The following CCDC141 variants were observed in gnomAD, a reference collection of about 807,000 sequenced individuals.
CCDC141 encodes the protein coiled-coil domain-containing protein 141.
A neutral mutation model predicts 181.0 loss-of-function variants in CCDC141; 168 were observed. The observed-to-expected ratio is 0.93, with a 90% CI of 0.82 to 1.05. The LOEUF (loss-of-function observed/expected upper bound fraction) is 1.05. Among genes scored for constraint, CCDC141 ranks in the 50% least tolerant of loss-of-function variants. CCDC141 has a pLI of 0.00. For synonymous variants in CCDC141, 666 were observed against 642.3 expected (o/e 1.04, Z -0.56); for missense variants, 1,902 against 1,788.5 (o/e 1.06, Z -1.14).
intron 6 of CCDC141, among the ~76,000 whole-genome samples, chr2:178,923,174 G>C (rs558265740): frequency 6.8e-6 from 1 of 146,264 alleles, no homozygotes; most frequent in Non-Finnish European, 1.5e-5. Flanking sequence ...GCGGGATCTC[G>C]GCTCACTGCA....
intron 23 of CCDC141, 108 bp downstream of exon 23, chr2:178,836,786 A>G: frequency 8.0e-7 from 1 of 1,242,930 alleles, no homozygotes; most frequent in Non-Finnish European, 1.1e-6. Flanking sequence ...GCAGTGTCAT[A>G]GAATATTAAT....
chr2:178,897,420 A>G (rs1319217636), intron 8 of CCDC141, among the ~76,000 whole-genome samples: 4 of 152,224 alleles, frequency 2.6e-5, no homozygotes, highest in African/African-American at 7.2e-5. Flanking sequence ...ACAAATGAAA[A>G]CTGTGGGAAA....
chr2:179,038,531 C>A (rs1204039105), intron 2 of CCDC141, among the ~76,000 whole-genome samples: 3 of 152,084 alleles, frequency 2.0e-5, no homozygotes, highest in African/African-American at 7.2e-5. Flanking sequence ...GTATGTTTTA[C>A]CATAATAAAA....
chr2:178,882,596 G>A lies in CCDC141; in HGVS notation c.1719+2305C>T, dbSNP rs182604447. 1.0e-3 allele frequency among the ~76,000 whole-genome samples: 154 copies of A among 151,914 alleles called. 1 individual carries two copies. The highest frequency in any genetic ancestry group is 3.6e-3 in the African/African-American group (148 of 41,430). On this transcript the variant is annotated intron_variant, in intron 11 of 23. Coordinates refer to ENST00000443758, the MANE Select transcript of CCDC141 (RefSeq NM_173648.4). ...TCAATGGCTTCATTTTTTTTTTCAG[G>A]GACGTATGAGTTAAGAACATTGGAT... is the stretch of plus-strand genomic sequence containing the variant.
chr2:178,886,703 A>G, intron 10 of CCDC141, 49 bp downstream of exon 10: 1 of 1,228,888 alleles, frequency 8.1e-7, no homozygotes, highest in Non-Finnish European at 1.1e-6. Flanking sequence ...TATTTTTAAA[A>G]TTATCTTTAC....
At chr2:178,954,729 G>A (rs1048291700) in intron 5 of CCDC141, among the ~76,000 whole-genome samples, 1 of 151,744 alleles carries the variant, frequency 6.6e-6, no homozygotes. Context: ...TTTCTTAAGT[G>A]GTTAAAATGA....
rs889181056 is a variant in CCDC141, at chr2:179,003,086, C to T, written c.226-24411G>A. On this transcript the variant is annotated intron_variant, in intron 2 of 23. Transcript: ENST00000443758. ...GTGATTGTTTTTGGGTGGAATTAAC[C>T]TTATATTGTCATTTATATTAACTTT... is the stretch of plus-strand genomic sequence containing the variant. 6.6e-5 allele frequency among the ~76,000 whole-genome samples: 10 copies of T among 152,190 alleles called. No individual in the cohort carries two copies. In the South Asian group the frequency reaches 2.1e-3, roughly 32 times the overall value.
Position 178,978,572 on chromosome 2 carries a change from C to A in CCDC141, c.329G>T (p.Gly110Val), listed in dbSNP as rs1254636726. The change falls in exon 3 of 24, where the codon GGT (glycine) becomes GTT (valine). Residue 110 changes from glycine (G) to valine (V), a missense_variant. Gly to Val is a moderately radical substitution (Grantham distance 109). Coordinates refer to ENST00000443758, the MANE Select transcript of CCDC141 (RefSeq NM_173648.4). The part of the protein sequence containing the change: ...QVYDAMAETL[G>V]EAWAALVSML... ...GGACACCAGAGCTGCCCATGCTTCA[C>A]CCAGAGTCTCGGCCATGGCATCATA... is the stretch of plus-strand genomic sequence containing the variant. 1 of 1,549,968 alleles carries A rather than the reference C, an allele frequency of 6.5e-7. No individual in the cohort carries two copies. The highest frequency in any genetic ancestry group is 1.4e-5 in the African/African-American group (1 of 72,984).
At position 178,834,447 on chromosome 2, in the gene CCDC141, C is replaced by G; in HGVS notation, c.4326-7G>C. 1.3e-6 allele frequency: 2 copies of G among 1,534,124 alleles called. No homozygotes were observed. The highest frequency in any genetic ancestry group is 1.7e-6 in the Non-Finnish European group (2 of 1,145,142). On this transcript the variant is annotated splice_region_variant and splice_polypyrimidine_tract_variant and intron_variant, in intron 23 of 23. Coordinates refer to ENST00000443758, the MANE Select transcript of CCDC141 (RefSeq NM_173648.4). The stretch of plus-strand genomic sequence containing the variant: ...TTTCTGGCCCTTCTTGTACCTGAAG[C>G]AGAGAGGCAGTTTTTAAAGTCAGGA...
At chr2:179,020,397 G>A (rs1034385047) in intron 2 of CCDC141, among the ~76,000 whole-genome samples, 4 of 152,062 alleles carry the variant, frequency 2.6e-5, no homozygotes, top group African/African-American at 9.7e-5. Context: ...CTGGAACTGG[G>A]CCAGTCTTAG....
Position 178,832,142 on chromosome 2 carries a change from G to A in CCDC141, c.*2031C>T, listed in dbSNP as rs571068791. The A allele has an allele frequency of 1.3e-5, 2 of 152,204 alleles. No individual in the cohort carries two copies. Among genetic ancestry groups the A allele is most frequent in the African/African-American group, 4.8e-5 (2 of 41,538 alleles). The allele number at this position is 152,204 out of a possible 1,614,324, so 9.4% of individuals were successfully genotyped here. A position where few individuals can be genotyped will look rare whatever the true frequency, so the allele number is the denominator to read the frequency against. ...GGTCTCACCTGCCTTCTTTGTTCATGAATAGGTTTTTACTCTTTAGCTTCA... is the reference window on the plus strand; with the variant it reads ...GGTCTCACCTGCCTTCTTTGTTCATAAATAGGTTTTTACTCTTTAGCTTCA... On this transcript the variant is annotated 3_prime_UTR_variant, in exon 24 of 24. Coordinates refer to ENST00000443758, the MANE Select transcript of CCDC141 (RefSeq NM_173648.4).
intron 21 of CCDC141, 76 bp from the exon 22 acceptor site, chr2:178,845,818 G>A: frequency 1.2e-6 from 1 of 835,792 alleles, no homozygotes; most frequent in Non-Finnish European, 2.1e-6. Context: ...CTACTTGGAA[G>A]AAAACATAGA....
At chr2:179,036,571 G>A (rs2043151565) in intron 2 of CCDC141, among the ~76,000 whole-genome samples, 1 of 152,230 alleles carries the variant, frequency 6.6e-6, no homozygotes. Flanking sequence ...GAAGTGCCAA[G>A]CGAGGCAGGG....
chr2:178,934,471 T>A (rs1410799172), intron 6 of CCDC141, among the ~76,000 whole-genome samples: 1 of 152,198 alleles, frequency 6.6e-6, no homozygotes, highest in Non-Finnish European at 1.5e-5. Flanking sequence ...ATCATCCATG[T>A]CTGCTATTTC....
chr2:178,975,009 CT>C, intron 4 of CCDC141, 47 bp downstream of exon 4: 1 of 932,316 alleles, frequency 1.1e-6, no homozygotes, highest in Admixed American at 2.6e-5. Context: ...ACATTAACAT[CT>C]TTTAAAACCT....
chr2:178,888,563 T>A lies in CCDC141; in HGVS notation c.1371A>T (p.Gln457His). 2 of 1,550,478 alleles carry A rather than the reference T, an allele frequency of 1.3e-6. No homozygotes were observed. The highest frequency in any genetic ancestry group is 1.7e-6 in the Non-Finnish European group (2 of 1,146,804). ...AACCCTCCACTGAGGCTGTTAGTTGTTGTTTCTTAAGAGCATATTCCTTGT... is the reference window on the plus strand; with the variant it reads ...AACCCTCCACTGAGGCTGTTAGTTGATGTTTCTTAAGAGCATATTCCTTGT... ...SAHKEYALKKQQLTASVEGYL... is the reference protein window; with the variant it reads ...SAHKEYALKKHQLTASVEGYL... The change falls in exon 9 of 24, where the codon CAA (glutamine) becomes CAT (histidine). Residue 457 changes from glutamine (Q) to histidine (H), a missense_variant. Coordinates refer to ENST00000443758, the MANE Select transcript of CCDC141 (RefSeq NM_173648.4).
At chr2:179,001,769 C>G (rs1019090635) in intron 2 of CCDC141, 1 of 152,328 alleles carries the variant, frequency 6.6e-6, no homozygotes, top group African/African-American at 2.4e-5. Flanking sequence ...ATGAATATCT[C>G]CTTCTCAGCC....
At chr2:179,025,076 T>G (rs1332104818) in intron 2 of CCDC141, among the ~76,000 whole-genome samples, 1 of 152,120 alleles carries the variant, frequency 6.6e-6, no homozygotes, top group Non-Finnish European at 1.5e-5. Flanking sequence ...TACTGCTCCT[T>G]ACAGAGATTG....
At chr2:178,978,957 A>G (rs187536836) in intron 2 of CCDC141, among the ~76,000 whole-genome samples, 94 of 152,334 alleles carry the variant, frequency 6.2e-4, no homozygotes, top group Non-Finnish European at 5.9e-4. Flanking sequence ...CAAGGGGTAT[A>G]GAATATTATG....
Sources: gnomAD v4.1 joint callset for allele counts (sites outside exome capture counted in the v4.1 genomes callset) on GRCh38, gnomAD v4.1.1 for gene constraint, MANE v1.5 for transcripts, NCBI Gene and HGNC (gene_info 2026-07-23, HGNC 2026-07-21) for gene names.